NRXN1: variants seen among roughly 807,000 people sequenced by gnomAD.
The protein encoded by NRXN1 is neurexin-1.
Under a neutral mutation model 150.9 loss-of-function variants are expected in NRXN1, and 39 were observed. That is an observed-to-expected ratio of 0.26 (90% CI 0.20 to 0.34). NRXN1 has a LOEUF of 0.34. NRXN1 is among the 10% of genes least tolerant of loss of function. The pLI is 1.00. For missense variants in NRXN1, 1,815 were observed against 1,949.9 expected (o/e 0.93, Z 1.30); for synonymous variants, 924 against 757.0 (o/e 1.22, Z -3.62).
At chr2:49,988,817 A>G (rs966261340) in intron 21 of NRXN1, among the ~76,000 whole-genome samples, 1 of 152,228 alleles carries the variant, frequency 6.6e-6, no homozygotes, top group Non-Finnish European at 1.5e-5. Flanking sequence ...ATTATGTACC[A>G]TTACATAGCA....
chr2:50,105,482 C>A (rs776600179), intron 18 of NRXN1, among the ~76,000 whole-genome samples: 5 of 151,990 alleles, frequency 3.3e-5, no homozygotes, highest in Admixed American at 2.6e-4. Flanking sequence ...TAGTTTACAT[C>A]CAGTTTTTCT....
chr2:50,125,070 G>C (rs1463083284), intron 18 of NRXN1, among the ~76,000 whole-genome samples: 1 of 151,654 alleles, frequency 6.6e-6, no homozygotes, highest in African/African-American at 2.4e-5. Flanking sequence ...AACAGAAAAT[G>C]AGTTCTGACT....
At chr2:50,176,810 G>C (rs569345673) in intron 18 of NRXN1, among the ~76,000 whole-genome samples, 3 of 152,184 alleles carry the variant, frequency 2.0e-5, no homozygotes, top group East Asian at 3.9e-4. Flanking sequence ...GCTCTGGCTT[G>C]CTTTAGTTTG....
chr2:51,027,364 C>T (rs1348202702), intron 2 of NRXN1, 138 bp downstream of exon 2: 2 of 873,504 alleles, frequency 2.3e-6, no homozygotes, highest in Non-Finnish European at 3.2e-6. Flanking sequence ...AGAGAGTCCC[C>T]CAGAAACAAG....
chr2:50,289,159 G>C (rs1452301507), intron 17 of NRXN1, among the ~76,000 whole-genome samples: 1 of 152,148 alleles, frequency 6.6e-6, no homozygotes, highest in African/African-American at 2.4e-5. Flanking sequence ...TGTAAATGGA[G>C]CCAGTTGCAA....
intron 5 of NRXN1, among the ~76,000 whole-genome samples, chr2:50,902,570 T>C (rs1392086344): frequency 6.6e-6 from 1 of 152,160 alleles, no homozygotes; most frequent in East Asian, 1.9e-4. Flanking sequence ...CTGGATGTAT[T>C]GAGAAACAGT....
intron 2 of NRXN1, among the ~76,000 whole-genome samples, chr2:51,017,152 T>C (rs1041618474): frequency 2.0e-5 from 3 of 152,056 alleles, no homozygotes; most frequent in East Asian, 1.9e-4. Context: ...ATACCTAATA[T>C]AGATGACGGA....
At chr2:50,849,667 T>A (rs2105969612) in intron 5 of NRXN1, among the ~76,000 whole-genome samples, 1 of 152,302 alleles carries the variant, frequency 6.6e-6, no homozygotes, top group South Asian at 2.1e-4. Context: ...TCTTAAGTCT[T>A]CCTTACCCGC....
intron 17 of NRXN1, among the ~76,000 whole-genome samples, chr2:50,398,354 G>A (rs1308562460): frequency 6.6e-6 from 1 of 151,910 alleles, no homozygotes; most frequent in Admixed American, 6.6e-5. Flanking sequence ...AAGTACACCT[G>A]GTAAAGTCGA....
chr2:50,978,297 TATATATATAA>T (rs1696229297), intron 2 of NRXN1, among the ~76,000 whole-genome samples: 3 of 120,178 alleles, frequency 2.5e-5, no homozygotes, highest in African/African-American at 8.8e-5. Flanking sequence ...TATATATATA[TATATATATAA>T]AATATATATA....
intron 18 of NRXN1, among the ~76,000 whole-genome samples, chr2:50,199,537 TACACACAC>T (rs67959182): frequency 1.4e-3 from 204 of 149,442 alleles, no homozygotes; most frequent in Non-Finnish European, 2.0e-3. Flanking sequence ...CTCTTTCTTA[TACACACAC>T]ACACACACAC....
intron 8 of NRXN1, among the ~76,000 whole-genome samples, chr2:50,578,531 C>T (rs1408572870): frequency 6.6e-6 from 1 of 152,136 alleles, no homozygotes; most frequent in African/African-American, 2.4e-5. Context: ...TACAATATCA[C>T]AACCAGGGTA....
rs1327430232 is a variant in NRXN1 at position 50,686,865 on chromosome 2, C to T, written c.833-63250G>A. Among the ~76,000 whole-genome samples the T allele has an allele frequency of 3.2e-4, 48 of 152,136 alleles. 1 individual carries two copies. Among genetic ancestry groups the T allele is most frequent in the Admixed American group, 3.1e-3 (48 of 15,266 alleles). On this transcript the variant is annotated intron_variant, in intron 5 of 22. Transcript: ENST00000401669. ...ATGCATGTAAATGGGAATTAATGTCCTCAGAGTGCCAGTAGCTATTTTGTT... is the reference window on the plus strand; with the variant it reads ...ATGCATGTAAATGGGAATTAATGTCTTCAGAGTGCCAGTAGCTATTTTGTT...
chr2:50,901,972 T>C (rs1242272475), intron 5 of NRXN1, among the ~76,000 whole-genome samples: 2 of 152,224 alleles, frequency 1.3e-5, no homozygotes, highest in Non-Finnish European at 2.9e-5. Context: ...TATTAATGAA[T>C]AGAACATTAC....
chr2:50,405,924 A>G (rs1414112053), intron 17 of NRXN1, among the ~76,000 whole-genome samples: 2 of 152,028 alleles, frequency 1.3e-5, no homozygotes, highest in African/African-American at 4.8e-5. Flanking sequence ...TTCTCACAAA[A>G]CTCTGCAACG....
intron 19 of NRXN1, among the ~76,000 whole-genome samples, chr2:50,057,296 C>G (rs75458262): frequency 0.036 from 5,496 of 152,250 alleles, 134 homozygotes; most frequent in Non-Finnish European, 0.054. Flanking sequence ...TTTCTTCTCT[C>G]TGGGACTTTG....
At chr2:50,636,672 T>C (rs1683281395) in intron 5 of NRXN1, among the ~76,000 whole-genome samples, 1 of 152,168 alleles carries the variant, frequency 6.6e-6, no homozygotes, top group Admixed American at 6.5e-5. Context: ...CTAGCTCTCC[T>C]ATTATTCTGT....
chr2:50,235,625 A>C (rs968234128), intron 18 of NRXN1, among the ~76,000 whole-genome samples: 1 of 152,128 alleles, frequency 6.6e-6, no homozygotes, highest in African/African-American at 2.4e-5. Flanking sequence ...GTTTTTCTTA[A>C]TTATTTTAGA....
At chr2:50,950,451 A>C (rs1380902755) in intron 2 of NRXN1, among the ~76,000 whole-genome samples, 2 of 152,200 alleles carry the variant, frequency 1.3e-5, no homozygotes, top group Admixed American at 1.3e-4. Flanking sequence ...CGTTAAAGAG[A>C]AAAAGAAGGC....
Sources: gnomAD v4.1 joint callset for allele counts (sites outside exome capture counted in the v4.1 genomes callset) on GRCh38, gnomAD v4.1.1 for gene constraint, MANE v1.5 for transcripts, NCBI Gene and HGNC (gene_info 2026-07-23, HGNC 2026-07-21) for gene names.